Variants in ENTR1 observed in about 807,000 individuals in gnomAD.
The protein encoded by ENTR1 is endosome associated trafficking regulator 1.
ENTR1 carries 47 observed loss-of-function variants against 47.9 expected under a neutral mutation model. The ratio of observed to expected loss-of-function variants is 0.98; its 90% confidence interval spans 0.78 to 1.25. The LOEUF (loss-of-function observed/expected upper bound fraction) is 1.25. Ranked by LOEUF, ENTR1 falls within the 50% of genes most tolerant of loss-of-function variation. The probability of loss-of-function intolerance (pLI) is 0.00; values close to 1 mark genes in which losing one functional copy is unlikely to be tolerated. For missense variants in ENTR1, 668 were observed against 570.5 expected, an observed-to-expected ratio of 1.17 and a Z score of -1.74; for synonymous variants, 290 against 245.8, an observed-to-expected ratio of 1.18 and a Z score of -1.68.
At chr9:136,405,364 C>T (rs1834716227) in intron 6 of ENTR1, 162 bp from the exon 7 acceptor site, 1 of 603,860 alleles carries the variant, frequency 1.7e-6, no homozygotes. Context: ...GACCTGTAGC[C>T]ACCAGGCAGG....
intron 6 of ENTR1, 53 bp from the exon 7 acceptor site, chr9:136,405,255 C>G (rs775936549): frequency 2.7e-4 from 389 of 1,415,382 alleles, no homozygotes; most frequent in Non-Finnish European, 3.7e-4. Flanking sequence ...TTTAAGAGGA[C>G]TACAAAAAGA....
At position 136,407,146 on chromosome 9, in the gene ENTR1, G is replaced by A. The variant is rs780145972; in HGVS notation, c.818C>T (p.Ala273Val). 1.2e-5 allele frequency: 19 copies of A among 1,588,178 alleles called. No homozygotes were observed. The Admixed American group carries it at 2.9e-4, about 24-fold the overall frequency. The part of the protein sequence containing the change: ...HLRTLQISYD[A>V]LKDENSKLRR... ...GAGGGCGCCGTGAGGCTCACTTACT[G>A]CGTCGTAACTTATCTGCAGCGTCCG... Residue 273 changes from alanine (A) to valine (V), a missense_variant and splice_region_variant, in exon 5 of 10, where the codon GCA (alanine) becomes GTA (valine). Ala to Val is a moderately conservative substitution (Grantham distance 64). Coordinates refer to ENST00000357365, the MANE Select transcript of ENTR1 (RefSeq NM_001039707.2).
rs780252760 is a variant in ENTR1 at position 136,407,831 on chromosome 9, C to T, written c.397G>A (p.Ala133Thr). Residue 133 changes from alanine to threonine, a missense_variant, in exon 4 of 10, where the codon GCA (alanine) becomes ACA (threonine). Physicochemically the swap from Ala to Thr is moderately conservative, Grantham distance 58. Transcript: ENST00000357365. ...CCACAGTGCCGTGGATTTACCTTTG[C>T]ATAAATTCTGCTGGCCGGATCCTCT... ...SKEDPASRIY[A>T]KEASRHSLGL... The T allele has an allele frequency of 5.0e-6, 8 of 1,608,832 alleles. No homozygotes were observed. The Admixed American group carries it at 1.0e-4, about 20-fold the overall frequency.
chr9:136,403,185 G>A (rs1305965270), intron 9 of ENTR1, among the ~76,000 whole-genome samples: 1 of 127,612 alleles, frequency 7.8e-6, no homozygotes, highest in Non-Finnish European at 1.7e-5. Context: ...AGGAAGGGGA[G>A]GGTTTCCAGA....
At chr9:136,409,857 G>A (rs1290544374) in intron 2 of ENTR1, 2 of 676,800 alleles carry the variant, frequency 3.0e-6, no homozygotes, top group Non-Finnish European at 5.6e-6. Context: ...GGGCTCCTGT[G>A]CTCCCCGGGC....
At chr9:136,409,893 C>CT in intron 2 of ENTR1, 197 bp downstream of exon 2, 1 of 742,626 alleles carries the variant, frequency 1.3e-6, no homozygotes, top group Non-Finnish European at 2.4e-6. Flanking sequence ...CTGGAACTGT[C>CT]TGTCTTGGGG....
chr9:136,404,591 C>T (rs186775333), intron 8 of ENTR1, 40 bp downstream of exon 8: 1 of 1,601,394 alleles, frequency 6.2e-7, no homozygotes, highest in African/African-American at 1.3e-5. Context: ...TGTGACTCCA[C>T]AAATCAAAGA....
Position 136,410,166 on chromosome 9 carries a change from GTCCAGGTCCCTGC to G in ENTR1, c.131_143del (p.Gly44AlafsTer68). The G allele has an allele frequency of 6.2e-7, 1 of 1,611,830 alleles. No homozygotes were observed. ...CCGGCCGAATGCCGAAGAAGGGGGA[GTCCAGGTCCCTGC>G]CATGGGGGCGCTCACAATTTAGCTG... is the stretch of plus-strand genomic sequence containing the variant. On this transcript the variant is annotated frameshift_variant, in exon 2 of 10. Coordinates refer to ENST00000357365, the MANE Select transcript of ENTR1 (RefSeq NM_001039707.2). LOFTEE classifies it high-confidence loss of function.
At chr9:136,406,298 G>A (rs188166076) in intron 5 of ENTR1, among the ~76,000 whole-genome samples, 114 of 151,844 alleles carry the variant, frequency 7.5e-4, no homozygotes, top group African/African-American at 2.5e-3. Context: ...TGAAACCCCC[G>A]TCTCTACTAA....
Position 136,406,508 on chromosome 9 carries a change from C to T in ENTR1, c.820-530G>A, listed in dbSNP as rs1017234134. ...TTTTCTTTTTTTTGAAACAGAGTTT[C>T]GCCCGTCGCCTAGGCTGGAGTACAG... On this transcript the variant is annotated intron_variant, in intron 5 of 9. Coordinates refer to ENST00000357365, the MANE Select transcript of ENTR1 (RefSeq NM_001039707.2). Among the ~76,000 whole-genome samples, 6 of 151,846 alleles carry T rather than the reference C, an allele frequency of 4.0e-5. No individual in the cohort carries two copies. The East Asian group carries it at 9.8e-4, about 25-fold the overall frequency.
Position 136,407,145 on chromosome 9 carries a change from T to C in ENTR1, c.819A>G (p.Ala273=), listed in dbSNP as rs1249728743. The C allele has an allele frequency of 3.8e-6, 6 of 1,587,280 alleles. No individual in the cohort carries two copies. The highest frequency in any genetic ancestry group is 1.3e-5 in the African/African-American group (1 of 74,338). ...HLRTLQISYD[A]LKDENSKLRR... ...AGAGGGCGCCGTGAGGCTCACTTAC[T>C]GCGTCGTAACTTATCTGCAGCGTCC... is the stretch of plus-strand genomic sequence containing the variant. The change falls in exon 5 of 10, where the codon GCA becomes GCG. Residue 273 remains alanine (A), a splice_region_variant and synonymous_variant. Transcript: ENST00000357365.
Position 136,402,669 on chromosome 9 carries a change from G to A in ENTR1, c.*119C>T, listed in dbSNP as rs532087304. On this transcript the variant is annotated 3_prime_UTR_variant, in exon 10 of 10. Transcript: ENST00000357365. Reference sequence around the variant, plus strand: ...TGAGGGCACGACACTGGACTCTTGCGATCAACACTTTACTCTGGGTGAAGA... The same window carrying A: ...TGAGGGCACGACACTGGACTCTTGCAATCAACACTTTACTCTGGGTGAAGA... 2.2e-5 allele frequency: 15 copies of A among 694,980 alleles called. No individual in the cohort carries two copies. Among genetic ancestry groups the A allele is most frequent in the African/African-American group, 8.9e-5 (5 of 56,406 alleles). The allele number at this position is 694,980 out of a possible 1,614,324, so 43.1% of individuals were successfully genotyped here.
chr9:136,410,000 G>A (rs1209762870), intron 2 of ENTR1, 90 bp downstream of exon 2: 1 of 1,462,476 alleles, frequency 6.8e-7, no homozygotes, highest in East Asian at 2.3e-5. Flanking sequence ...CACATTGATG[G>A]GTCAATGGAC....
intron 5 of ENTR1, 115 bp downstream of exon 5, chr9:136,407,030 G>A (rs1023100848): frequency 7.6e-6 from 8 of 1,055,204 alleles, no homozygotes; most frequent in African/African-American, 3.2e-5. Context: ...CACGCAAATC[G>A]CCTTGTCCTG....
chr9:136,405,805 C>A lies in ENTR1; in HGVS notation c.893+100G>T, dbSNP rs1834735149. 13 of 691,148 alleles carry A rather than the reference C, an allele frequency of 1.9e-5. No homozygotes were observed. The Admixed American group carries it at 3.8e-4, about 20-fold the overall frequency. The allele number at this position is 691,148 out of a possible 1,614,324, so 42.8% of individuals were successfully genotyped here. A position where few individuals can be genotyped will look rare whatever the true frequency, so the allele number is the denominator to read the frequency against. ...CTGAACATTTATATACAATAAAACCCAGATCTGGTTTGACTCTGATTACTT... is the reference window on the plus strand; with the variant it reads ...CTGAACATTTATATACAATAAAACCAAGATCTGGTTTGACTCTGATTACTT... On this transcript the variant is annotated intron_variant, in intron 6 of 9. Transcript: ENST00000357365.
intron 9 of ENTR1, among the ~76,000 whole-genome samples, chr9:136,403,439 CTGGGAG>C (rs1484732953): frequency 4.2e-4 from 29 of 68,806 alleles, no homozygotes; most frequent in African/African-American, 1.5e-3. Context: ...GACAGGGTTC[CTGGGAG>C]CAAGGGGTGG....
At chr9:136,408,508 G>C (rs1357773571) in intron 3 of ENTR1, among the ~76,000 whole-genome samples, 2 of 152,018 alleles carry the variant, frequency 1.3e-5, no homozygotes, top group Admixed American at 1.3e-4. Context: ...AACCTGGGAG[G>C]TGGAGCTTGC....
rs1588782946 is a variant in ENTR1 at position 136,404,187 on chromosome 9, A to C, written c.1076T>G (p.Val359Gly). 6.2e-7 allele frequency: 1 copy of C among 1,607,310 alleles called. No individual in the cohort carries two copies. The highest frequency in any genetic ancestry group is 8.5e-7 in the Non-Finnish European group (1 of 1,176,166). Residue 359 changes from valine to glycine, a missense_variant, in exon 9 of 10, where the codon GTC (valine) becomes GGC (glycine). Physicochemically the swap from Val to Gly is moderately radical, Grantham distance 109 (BLOSUM62 -3). Coordinates refer to ENST00000357365, the MANE Select transcript of ENTR1 (RefSeq NM_001039707.2). ...TTCATTCTCTCGCTGGAAGTTGGAG[A>C]CCTGCGCCTGGGGGGACGGTTACGG... ...KQEISLLQAQ[V>G]SNFQRENEAL...
intron 3 of ENTR1, among the ~76,000 whole-genome samples, chr9:136,408,349 C>T (rs560511794): frequency 2.0e-5 from 3 of 152,164 alleles, no homozygotes; most frequent in Admixed American, 6.5e-5. Context: ...GAGGTCAAGG[C>T]GGGCGGATCA....
Sources: allele counts gnomAD v4.1 joint callset (sites outside exome capture counted in the v4.1 genomes callset), GRCh38; gene constraint gnomAD v4.1.1; transcripts MANE v1.5; gene names NCBI Gene and HGNC (gene_info 2026-07-23, HGNC 2026-07-21).